The following GPHN variants were observed in gnomAD, a reference collection of about 807,000 sequenced individuals.
GPHN encodes the protein gephyrin.
Under a neutral mutation model 95.5 loss-of-function variants are expected in GPHN, and 17 were observed. The ratio of observed to expected loss-of-function variants is 0.18; its 90% CI spans 0.12 to 0.27. The LOEUF (loss-of-function observed/expected upper bound fraction) is 0.27. Among genes scored for constraint, GPHN ranks in the 10% least tolerant of loss-of-function variants. The probability of loss-of-function intolerance (pLI) is 1.00; values close to 1 mark genes in which losing one functional copy is unlikely to be tolerated. For missense variants in GPHN, 660 were observed against 978.1 expected, an observed-to-expected ratio of 0.67 and a Z score of 4.34; for synonymous variants, 320 against 322.5, an observed-to-expected ratio of 0.99 and a Z score of 0.08.
intron 5 of GPHN, among the ~76,000 whole-genome samples, chr14:66,908,381 A>G (rs2065489897): frequency 6.6e-6 from 1 of 152,134 alleles, no homozygotes; most frequent in African/African-American, 2.4e-5. Flanking sequence ...GAGCAACAAA[A>G]TAAGCAACAA....
chr14:66,806,959 T>A (rs1485359853), intron 3 of GPHN, among the ~76,000 whole-genome samples: 1 of 152,156 alleles, frequency 6.6e-6, no homozygotes, highest in Non-Finnish European at 1.5e-5. Flanking sequence ...CTGGTACCAA[T>A]TTACTGAATT....
At chr14:67,093,759 T>C (rs2077232406) in intron 12 of GPHN, among the ~76,000 whole-genome samples, 1 of 152,082 alleles carries the variant, frequency 6.6e-6, no homozygotes, top group Admixed American at 6.6e-5. Flanking sequence ...CAGTTTAAAA[T>C]TCCAAACAAT....
chr14:66,606,844 C>G (rs1461346496), intron 1 of GPHN, among the ~76,000 whole-genome samples: 1 of 152,038 alleles, frequency 6.6e-6, no homozygotes. Context: ...AGCCTTTTGG[C>G]AGCATCTTTA....
the GPHN span, among the ~76,000 whole-genome samples, chr14:67,611,506 A>C: frequency 2.6e-5 from 4 of 151,844 alleles, no homozygotes; most frequent in African/African-American, 9.7e-5. Context: ...ACCTCAGGTG[A>C]TCCACCTGCC....
At chr14:66,556,830 T>G (rs2060022975) in intron 1 of GPHN, among the ~76,000 whole-genome samples, 1 of 152,158 alleles carries the variant, frequency 6.6e-6, no homozygotes, top group South Asian at 2.1e-4. Context: ...TGTTATAGTA[T>G]CTTTGGGTCC....
chr14:67,572,389 C>G, the GPHN span: 1 of 294,410 alleles, frequency 3.4e-6, no homozygotes, highest in South Asian at 3.7e-5. Context: ...GTCCCTAGAG[C>G]TGGGGGATGG....
At chr14:67,655,869 C>T in the GPHN span, among the ~76,000 whole-genome samples, 1,938 of 152,190 alleles carry the variant, frequency 0.013, 54 homozygotes, top group African/African-American at 0.044. Context: ...TTTCCCCTCA[C>T]TGAAGCAAAA....
chr14:66,629,078 TAC>T (rs1313890341), intron 1 of GPHN, among the ~76,000 whole-genome samples: 1 of 123,600 alleles, frequency 8.1e-6, no homozygotes, highest in Non-Finnish European at 1.7e-5. Flanking sequence ...CAAAAAAAAA[TAC>T]ATATATATAT....
chr14:66,892,059 T>C (rs2064541943), intron 5 of GPHN, among the ~76,000 whole-genome samples: 1 of 152,200 alleles, frequency 6.6e-6, no homozygotes. Flanking sequence ...AACTATGGCA[T>C]ATCCTCAAGA....
chr14:67,270,671 A>G, the GPHN span: 2 of 151,540 alleles, frequency 1.3e-5, no homozygotes, highest in South Asian at 2.1e-4. Context: ...TATATAGACT[A>G]CATGTATGGG....
intron 6 of GPHN, among the ~76,000 whole-genome samples, chr14:66,921,819 G>A (rs1267535317): frequency 6.6e-6 from 1 of 152,062 alleles, no homozygotes; most frequent in Non-Finnish European, 1.5e-5. Flanking sequence ...TACACTATAA[G>A]GCCATAGTCA....
the GPHN span, among the ~76,000 whole-genome samples, chr14:67,190,939 A>G: frequency 6.6e-6 from 1 of 152,242 alleles, no homozygotes; most frequent in Non-Finnish European, 1.5e-5. Flanking sequence ...CTGTCATTTA[A>G]GAGCTATCAT....
chr14:67,546,641 C>T, the GPHN span, among the ~76,000 whole-genome samples: 3 of 152,220 alleles, frequency 2.0e-5, no homozygotes, highest in African/African-American at 7.2e-5. Context: ...CCACCCGCCT[C>T]AGCCTCCCAA....
chr14:66,821,535 C>T (rs567640758), intron 3 of GPHN, among the ~76,000 whole-genome samples: 1 of 152,138 alleles, frequency 6.6e-6, no homozygotes, highest in African/African-American at 2.4e-5. Flanking sequence ...TTTATCTTTG[C>T]ATTGCTGTTC....
intron 11 of GPHN, among the ~76,000 whole-genome samples, chr14:67,082,892 G>T (rs2076746936): frequency 6.6e-6 from 1 of 152,106 alleles, no homozygotes; most frequent in Admixed American, 6.5e-5. Flanking sequence ...TTCATCAGTT[G>T]ATGGATATTT....
At chr14:66,621,251 A>G (rs953048216) in intron 1 of GPHN, among the ~76,000 whole-genome samples, 3 of 150,098 alleles carry the variant, frequency 2.0e-5, no homozygotes, top group Non-Finnish European at 4.4e-5. Context: ...CTGGGATTAC[A>G]GGCATGAGCC....
intron 3 of GPHN, among the ~76,000 whole-genome samples, chr14:66,786,531 A>T (rs2059781629): frequency 6.6e-6 from 1 of 152,120 alleles, no homozygotes; most frequent in Non-Finnish European, 1.5e-5. Context: ...AATACGTTTC[A>T]TGAGTCTAGT....
chr14:67,650,414 A>T, the GPHN span: 2 of 366,068 alleles, frequency 5.5e-6, no homozygotes, highest in Non-Finnish European at 1.0e-5. Context: ...CCCCCACCCA[A>T]CACCAAGCCT....
In GPHN at chr14:67,168,740, G is replaced by A. The variant is rs371885459; in HGVS notation, c.1976-193G>A. Among the ~76,000 whole-genome samples, 18 of 152,146 alleles carry A rather than the reference G, an allele frequency of 1.2e-4. No homozygotes were observed. The East Asian group carries it at 2.1e-3, about 18-fold the overall frequency. On this transcript the variant is annotated intron_variant, in intron 20 of 22. Transcript: ENST00000478722. ...AGAATTCTCCATTTTACTGAAAGACGCAAATGTTTACACCCCCTGTGGCAT... is the reference window on the plus strand; with the variant it reads ...AGAATTCTCCATTTTACTGAAAGACACAAATGTTTACACCCCCTGTGGCAT...
Sources: gnomAD v4.1 joint callset for allele counts (sites outside exome capture counted in the v4.1 genomes callset) on GRCh38, gnomAD v4.1.1 for gene constraint, MANE v1.5 for transcripts, NCBI Gene and HGNC (gene_info 2026-07-23, HGNC 2026-07-21) for gene names.